Variants in CPA3 observed in about 807,000 individuals in gnomAD.
CPA3 encodes the protein carboxypeptidase A3.
A neutral mutation model predicts 55.8 loss-of-function variants in CPA3; 52 were observed. That is an observed-to-expected ratio of 0.93 (90% CI 0.75 to 1.17). The LOEUF (loss-of-function observed/expected upper bound fraction) is 1.17. Ranked by LOEUF, CPA3 falls within the 50% of genes most tolerant of loss-of-function variation. The probability of loss-of-function intolerance (pLI) is 0.00; values close to 1 mark genes in which losing one functional copy is unlikely to be tolerated. For missense variants in CPA3, 547 were observed against 509.1 expected, an observed-to-expected ratio of 1.07 and a Z score of -0.72; for synonymous variants, 179 against 171.2, an observed-to-expected ratio of 1.05 and a Z score of -0.36.
chr3:148,884,547 A>G (rs1714471259), intron 9 of CPA3, among the ~76,000 whole-genome samples: 1 of 152,218 alleles, frequency 6.6e-6, no homozygotes, highest in Non-Finnish European at 1.5e-5. Flanking sequence ...TTTCAGTAAT[A>G]GCTGTGGTCC....
intron 9 of CPA3, 27 bp from the exon 10 acceptor site, chr3:148,886,066 T>C: frequency 6.6e-7 from 1 of 1,510,682 alleles, no homozygotes; most frequent in Non-Finnish European, 9.2e-7. Context: ...ATCCTATTAT[T>C]TCACTCTAAC....
chr3:148,879,199 T>C (rs1036418663), intron 5 of CPA3, among the ~76,000 whole-genome samples: 37 of 152,356 alleles, frequency 2.4e-4, no homozygotes, highest in Non-Finnish European at 2.2e-4. Flanking sequence ...CCATTGCTGC[T>C]GGATTTTTGC....
At chr3:148,892,596 T>C (rs1166595926) in intron 10 of CPA3, among the ~76,000 whole-genome samples, 2 of 152,052 alleles carry the variant, frequency 1.3e-5, no homozygotes, top group Non-Finnish European at 2.9e-5. Flanking sequence ...GAGGTTGCAG[T>C]GAGCTGAAAT....
At chr3:148,891,005 T>C (rs940870801) in intron 10 of CPA3, among the ~76,000 whole-genome samples, 1 of 152,192 alleles carries the variant, frequency 6.6e-6, no homozygotes, top group African/African-American at 2.4e-5. Flanking sequence ...GAGTGGCACA[T>C]AGGTAGCACA....
At position 148,883,682 on chromosome 3, in the gene CPA3, C is replaced by T. The variant is rs140470073; in HGVS notation, c.848C>T (p.Thr283Met). The T allele has an allele frequency of 5.9e-3, 9,499 of 1,614,030 alleles. 37 individuals are homozygous for T. Among genetic ancestry groups the T allele is most frequent in the Non-Finnish European group, 6.9e-3 (8,191 of 1,179,934 alleles). ...RGSAPESEKE[T>M]KAVTNFIRSH... ...TCTGCACCAGAGTCCGAGAAAGAGA[C>T]GAAAGCTGTCACTAATTTCATTAGA... The change falls in exon 9 of 11, where the codon ACG becomes ATG. Residue 283 changes from threonine (T) to methionine (M), a missense_variant. Physicochemically the swap from Thr to Met is moderately conservative, Grantham distance 81. Coordinates refer to ENST00000296046, the MANE Select transcript of CPA3 (RefSeq NM_001870.4).
intron 10 of CPA3, among the ~76,000 whole-genome samples, chr3:148,887,951 T>A (rs1714578348): frequency 6.6e-6 from 1 of 152,206 alleles, no homozygotes. Context: ...TGATTAAGCC[T>A]GCATCACTCT....
rs527852575 is a variant in CPA3 at position 148,873,754 on chromosome 3, C to T, written c.270-4687C>T. 3.3e-5 allele frequency among the ~76,000 whole-genome samples: 5 copies of T among 152,248 alleles called. No homozygotes were observed. The South Asian group carries it at 1.0e-3, about 32-fold the overall frequency. On this transcript the variant is annotated intron_variant, in intron 3 of 10. Transcript: ENST00000296046. ...ACTTCTGTATTTTAACAGTTGTGTCCATTTTGGAAACTGGCCAAACCTTCA... is the reference window on the plus strand; with the variant it reads ...ACTTCTGTATTTTAACAGTTGTGTCTATTTTGGAAACTGGCCAAACCTTCA...
chr3:148,893,714 C>T (rs1714737888), intron 10 of CPA3, among the ~76,000 whole-genome samples: 1 of 152,134 alleles, frequency 6.6e-6, no homozygotes, highest in Non-Finnish European at 1.5e-5. Context: ...CAGAGAAACT[C>T]ACATCAAAGT....
chr3:148,868,832 G>T, intron 2 of CPA3, 83 bp from the exon 3 acceptor site: 2 of 1,486,052 alleles, frequency 1.3e-6, no homozygotes, highest in South Asian at 2.6e-5. Flanking sequence ...TCCTTTCATG[G>T]TGTATGAGAC....
At chr3:148,870,723 TAA>T (rs1033364792) in intron 3 of CPA3, among the ~76,000 whole-genome samples, 63 of 152,264 alleles carry the variant, frequency 4.1e-4, no homozygotes, top group African/African-American at 1.4e-3. Flanking sequence ...CTTAATATAC[TAA>T]GTTTTTCTGT....
At chr3:148,877,097 G>C (rs1207246765) in intron 3 of CPA3, among the ~76,000 whole-genome samples, 1 of 152,218 alleles carries the variant, frequency 6.6e-6, no homozygotes, top group African/African-American at 2.4e-5. Flanking sequence ...GGATGTGTAA[G>C]CCTAGAGTTC....
intron 3 of CPA3, among the ~76,000 whole-genome samples, chr3:148,877,154 C>T (rs1384409870): frequency 6.6e-6 from 1 of 152,142 alleles, no homozygotes; most frequent in Non-Finnish European, 1.5e-5. Context: ...ATTACAGCCA[C>T]TGGACTCCAT....
At chr3:148,885,094 G>A (rs1489916583) in intron 9 of CPA3, among the ~76,000 whole-genome samples, 1 of 152,056 alleles carries the variant, frequency 6.6e-6, no homozygotes, top group Admixed American at 6.5e-5. Flanking sequence ...ATGCCACTCT[G>A]AAAGAGACAC....
intron 4 of CPA3, 29 bp from the exon 5 acceptor site, chr3:148,878,618 A>C: frequency 6.3e-7 from 1 of 1,575,692 alleles, no homozygotes; most frequent in Middle Eastern, 1.7e-4. Context: ...CTTTTATTCT[A>C]ATTTCTCAAA....
intron 2 of CPA3, among the ~76,000 whole-genome samples, chr3:148,868,202 T>C (rs780703627): frequency 2.6e-5 from 4 of 152,162 alleles, no homozygotes; most frequent in Non-Finnish European, 5.9e-5. Flanking sequence ...CTCGAAATTA[T>C]TTTGATCTGA....
intron 8 of CPA3, 57 bp downstream of exon 8, chr3:148,882,652 A>C: frequency 7.3e-7 from 1 of 1,370,302 alleles, no homozygotes; most frequent in Non-Finnish European, 1.0e-6. Flanking sequence ...TAGGTCCCAA[A>C]CTTAACTAAA....
At position 148,868,968 on chromosome 3, in the gene CPA3, G is replaced by A. The variant is rs1440238709; in HGVS notation, c.198G>A (p.Val66=). Residue 66 remains valine (V), a synonymous_variant, in exon 3 of 11, where the codon GTG becomes GTA. Coordinates refer to ENST00000296046, the MANE Select transcript of CPA3 (RefSeq NM_001870.4). ...ACCACGTAGCTGCTAATATGATGGTGGATTTCCGAGTTAGTGAGAAGGAAT... is the reference window on the plus strand; with the variant it reads ...ACCACGTAGCTGCTAATATGATGGTAGATTTCCGAGTTAGTGAGAAGGAAT... ...ATHHVAANMM[V]DFRVSEKESQ... 1 of 1,613,912 alleles carries A rather than the reference G, an allele frequency of 6.2e-7. No individual in the cohort carries two copies. The highest frequency in any genetic ancestry group is 1.3e-5 in the African/African-American group (1 of 74,902).
At chr3:148,872,962 G>C (rs544355839) in intron 3 of CPA3, among the ~76,000 whole-genome samples, 1 of 151,996 alleles carries the variant, frequency 6.6e-6, no homozygotes, top group African/African-American at 2.4e-5. Flanking sequence ...ATTTCATAGG[G>C]GTTTCATGAA....
chr3:148,894,224 A>C (rs570430323), intron 10 of CPA3, among the ~76,000 whole-genome samples: 4 of 152,322 alleles, frequency 2.6e-5, no homozygotes, highest in Admixed American at 1.3e-4. Flanking sequence ...GTACTTTAAA[A>C]GTGGGAAGGG....
Sources: allele counts gnomAD v4.1 joint callset (sites outside exome capture counted in the v4.1 genomes callset), GRCh38; gene constraint gnomAD v4.1.1; transcripts MANE v1.5; gene names NCBI Gene and HGNC (gene_info 2026-07-23, HGNC 2026-07-21).